CEMIP: variants seen among roughly 807,000 people sequenced by gnomAD.
CEMIP encodes cell migration-inducing and hyaluronan-binding protein.
Under a neutral mutation model 156.9 loss-of-function variants are expected in CEMIP, and 105 were observed. The ratio of observed to expected loss-of-function variants is 0.67; its 90% confidence interval spans 0.57 to 0.79. The LOEUF (loss-of-function observed/expected upper bound fraction) is 0.79. CEMIP is among the 30% of genes least tolerant of loss of function. The pLI is 0.00. For missense variants in CEMIP, 1,457 were observed against 1,769.4 expected (o/e 0.82, Z 3.17); for synonymous variants, 676 against 668.4 (o/e 1.01, Z -0.17).
intron 1 of CEMIP, among the ~76,000 whole-genome samples, chr15:80,787,414 C>A (rs796414382): frequency 4.6e-5 from 7 of 152,336 alleles, no homozygotes; most frequent in African/African-American, 1.7e-4. Context: ...TTGCAGTTGC[C>A]TGGGGCTCCT....
At chr15:80,846,194 G>T (rs1468583644) in intron 1 of CEMIP, among the ~76,000 whole-genome samples, 1 of 152,180 alleles carries the variant, frequency 6.6e-6, no homozygotes, top group Non-Finnish European at 1.5e-5. Context: ...GGCCCAGATG[G>T]TTTCTATTAT....
chr15:80,796,386 T>A (rs535790148), intron 1 of CEMIP, among the ~76,000 whole-genome samples: 1 of 152,374 alleles, frequency 6.6e-6, no homozygotes, highest in Admixed American at 6.5e-5. Context: ...CTGTCACTAA[T>A]GTGTGCTCTC....
chr15:80,943,525 C>T (rs1475383273), intron 28 of CEMIP, among the ~76,000 whole-genome samples: 4 of 152,230 alleles, frequency 2.6e-5, no homozygotes, highest in Non-Finnish European at 5.9e-5. Context: ...TTGTATGGAA[C>T]TGAATTCTCA....
At position 80,906,539 on chromosome 15, in the gene CEMIP, G is replaced by A. The variant is rs988272461; in HGVS notation, c.1412-124G>A. On this transcript the variant is annotated intron_variant, in intron 12 of 29. Coordinates refer to ENST00000394685, the MANE Select transcript of CEMIP (RefSeq NM_001293298.2). The surrounding 1 kb of genome is among the most constrained non-coding windows in gnomAD (Gnocchi z 4.3). ...TGACCTTCATCCTTCTGTAACATGA[G>A]ACCACTGTGCACACCAGGCATGGCG... 6.5e-6 allele frequency: 6 copies of A among 921,050 alleles called. No individual in the cohort carries two copies. In the Admixed American group the frequency reaches 1.5e-4, roughly 23 times the overall value. The allele number at this position is 921,050 out of a possible 1,614,324, so 57.1% of individuals were successfully genotyped here.
intron 1 of CEMIP, among the ~76,000 whole-genome samples, chr15:80,872,568 C>T (rs999849604): frequency 1.3e-5 from 2 of 152,186 alleles, no homozygotes; most frequent in Admixed American, 6.5e-5. Context: ...TGGTGGCTCA[C>T]GCCTGTAATC....
At chr15:80,828,099 C>T (rs1473616193) in intron 1 of CEMIP, among the ~76,000 whole-genome samples, 1 of 152,206 alleles carries the variant, frequency 6.6e-6, no homozygotes, top group Non-Finnish European at 1.5e-5. Flanking sequence ...AGAATGCAGG[C>T]CGGGTGTGGT....
At chr15:80,934,148 T>C (rs1409200874) in intron 23 of CEMIP, among the ~76,000 whole-genome samples, 2 of 152,360 alleles carry the variant, frequency 1.3e-5, no homozygotes, top group Admixed American at 6.5e-5. Flanking sequence ...TTTAATTTTA[T>C]TTTTAATTTA....
intron 3 of CEMIP, among the ~76,000 whole-genome samples, chr15:80,875,606 T>G (rs1239716905): frequency 2.4e-4 from 37 of 152,154 alleles, no homozygotes; most frequent in Non-Finnish European, 4.4e-5. Context: ...GCTGAGCCTC[T>G]GGTTCCCTCT....
chr15:80,948,778 ACTC>A lies in CEMIP; in HGVS notation c.3959-18_3959-16del, dbSNP rs1442433346. The A allele has an allele frequency of 1.9e-6, 3 of 1,613,608 alleles. No individual in the cohort carries two copies. The highest frequency in any genetic ancestry group is 1.7e-5 in the Admixed American group (1 of 59,982). On this transcript the variant is annotated splice_polypyrimidine_tract_variant and intron_variant, in intron 29 of 29. Transcript: ENST00000394685. ...CTCTCATAGGGCTTTTGCTCAGGAGACTCATCATTGCTTTTCAGAGCAAATGGC... is the reference window on the plus strand; with the variant it reads ...CTCTCATAGGGCTTTTGCTCAGGAGAATCATTGCTTTTCAGAGCAAATGGC...
Position 80,906,694 on chromosome 15 carries a change from G to A in CEMIP, c.1443G>A (p.Glu481=). 1.2e-6 allele frequency: 2 copies of A among 1,614,210 alleles called. No individual in the cohort carries two copies. The highest frequency in any genetic ancestry group is 2.2e-5 in the East Asian group (1 of 44,890). Residue 481 remains glutamate, a synonymous_variant, in exon 13 of 30, where the codon GAG becomes GAA. Coordinates refer to ENST00000394685, the MANE Select transcript of CEMIP (RefSeq NM_001293298.2). This position sits in a 1 kb window ranked among gnomAD's most constrained non-coding sequence, Gnocchi z 4.3. ...GKPMYLHIGE[E]IDGVDMRAEV... is the part of the protein sequence containing the mutation. ...CAATGTACCTGCACATCGGGGAGGA[G>A]ATAGACGGCGTGGACATGCGGGCGG...
chr15:80,927,494 T>C (rs1374306384), intron 19 of CEMIP, among the ~76,000 whole-genome samples: 1 of 152,160 alleles, frequency 6.6e-6, no homozygotes, highest in Non-Finnish European at 1.5e-5. Flanking sequence ...GTTCGGTAAA[T>C]CTCTTGGTTC....
chr15:80,828,401 G>A (rs927030524), intron 1 of CEMIP, among the ~76,000 whole-genome samples: 10 of 151,792 alleles, frequency 6.6e-5, no homozygotes, highest in African/African-American at 1.5e-4. Context: ...AAAAAATGCC[G>A]AATGCCACGC....
rs1011940284 is a variant in CEMIP at position 80,950,196 on chromosome 15, T to C, written c.*1272T>C. On this transcript the variant is annotated 3_prime_UTR_variant, in exon 30 of 30. Transcript: ENST00000394685. ...GCCTGGGATTTCAGAGCTGGAAATA[T>C]AGAAAATATCTAGCCCAAAGCCTTC... is the stretch of plus-strand genomic sequence containing the variant. 2.0e-5 allele frequency: 3 copies of C among 152,352 alleles called. No homozygotes were observed. The highest frequency in any genetic ancestry group is 6.5e-5 in the Admixed American group (1 of 15,312). 9.4% of individuals were successfully genotyped at this position (152,352 alleles called of 1,614,324 possible).
chr15:80,949,124 C>T lies in CEMIP; in HGVS notation c.*200C>T. 1 of 696,808 alleles carries T rather than the reference C, an allele frequency of 1.4e-6. No homozygotes were observed. The highest frequency in any genetic ancestry group is 2.5e-6 in the Non-Finnish European group (1 of 401,056). 43.2% of individuals were successfully genotyped at this position (696,808 alleles called of 1,614,324 possible). ...CCCTACTCAAGTGTCTACCTGGAGC[C>T]CCTGGGGCGGTGCTGGCCAATGCTG... On this transcript the variant is annotated 3_prime_UTR_variant, in exon 30 of 30. Coordinates refer to ENST00000394685, the MANE Select transcript of CEMIP (RefSeq NM_001293298.2).
intron 1 of CEMIP, among the ~76,000 whole-genome samples, chr15:80,825,423 A>C (rs1208937902): frequency 1.3e-5 from 2 of 152,238 alleles, no homozygotes; most frequent in African/African-American, 4.8e-5. Context: ...CCTAACTTCA[A>C]GGCCCAAGCC....
intron 18 of CEMIP, 129 bp from the exon 19 acceptor site, chr15:80,925,492 GAAT>G (rs2141933363): frequency 1.6e-6 from 2 of 1,239,854 alleles, no homozygotes; most frequent in South Asian, 2.6e-5. Context: ...CAGGCAATGC[GAAT>G]GGGTTTCTGT....
chr15:80,874,095 G>T, intron 3 of CEMIP, 122 bp downstream of exon 3: 1 of 895,972 alleles, frequency 1.1e-6, no homozygotes, highest in Middle Eastern at 2.4e-4. Context: ...AGGGTGCCTG[G>T]GCCTTGGCCC....
chr15:80,882,781 C>G (rs1898707932), intron 6 of CEMIP, among the ~76,000 whole-genome samples: 1 of 150,100 alleles, frequency 6.7e-6, no homozygotes, highest in Non-Finnish European at 1.5e-5. Flanking sequence ...CACACACACA[C>G]ATACACACAC....
chr15:80,930,523 C>A (rs949272622), intron 21 of CEMIP, among the ~76,000 whole-genome samples: 1 of 152,116 alleles, frequency 6.6e-6, no homozygotes, highest in African/African-American at 2.4e-5. Context: ...GTCTGAAGTG[C>A]AAAACCTAAG....
Sources: gnomAD v4.1 joint callset for allele counts (sites outside exome capture counted in the v4.1 genomes callset) on GRCh38, gnomAD v4.1.1 for gene constraint, Gnocchi (gnomAD v3.1) non-coding constraint, MANE v1.5 for transcripts, NCBI Gene and HGNC (gene_info 2026-07-23, HGNC 2026-07-21) for gene names.